The following ZNF875 variants were observed in gnomAD, a reference collection of about 807,000 sequenced individuals.
ZNF875 encodes HKR1, GLI-Kruppel zinc finger family member.
Under a neutral mutation model 11.2 loss-of-function variants are expected in ZNF875, and 14 were observed. The ratio of observed to expected loss-of-function variants is 1.26; its 90% CI spans 0.83 to 1.96. ZNF875 has a LOEUF of 1.96. ZNF875 is among the 30% of genes most tolerant of loss of function. ZNF875 has a pLI of 0.00. For synonymous variants in ZNF875, 301 were observed against 281.1 expected, an observed-to-expected ratio of 1.07 and a Z score of -0.71; for missense variants, 752 against 760.4, an observed-to-expected ratio of 0.99 and a Z score of 0.13.
In ZNF875 at chr19:37,363,314, A is replaced by T. The variant is rs1182362708; in HGVS notation, c.1462A>T (p.Thr488Ser). 2 of 1,610,656 alleles carry T rather than the reference A, an allele frequency of 1.2e-6. No individual in the cohort carries two copies. The highest frequency in any genetic ancestry group is 2.2e-5 in the East Asian group (1 of 44,742). The change falls in exon 5 of 5, where the codon ACC becomes TCC. Residue 488 changes from threonine to serine, a missense_variant. Transcript: ENST00000392153. ...FVCTECGRGF[T>S]RKSTLSTHQR... ...ATGTACGGAGTGTGGGCGAGGCTTT[A>T]CCCGGAAATCAACCCTGAGCACGCA... is the stretch of plus-strand genomic sequence containing the variant.
At chr19:37,318,140 G>C (rs11672033) in exon 1 of ZNF875, 6,002 of 154,066 alleles carry the variant, frequency 0.039, 277 homozygotes, top group African/African-American at 0.11. Context: ...CGCACTGACT[G>C]TGATGTAGTT....
upstream of ZNF875, among the ~76,000 whole-genome samples, chr19:37,329,731 G>GT (rs1241200854): frequency 5.3e-5 from 8 of 152,150 alleles, no homozygotes; most frequent in South Asian, 1.0e-3. Context: ...TTCCTCAGTG[G>GT]TTTTTTCCCC....
At chr19:37,358,193 G>A (rs898401239) in intron 4 of ZNF875, among the ~76,000 whole-genome samples, 3 of 133,834 alleles carry the variant, frequency 2.2e-5, no homozygotes, top group African/African-American at 5.7e-5. Flanking sequence ...CACCCTGGCT[G>A]GAGTGCAGTG....
chr19:37,356,679 G>T (rs928162877), intron 4 of ZNF875, among the ~76,000 whole-genome samples: 1 of 151,950 alleles, frequency 6.6e-6, no homozygotes, highest in African/African-American at 2.4e-5. Context: ...GGTTATTTGG[G>T]TTTTTGTTGT....
intron 2 of ZNF875, chr19:37,337,242 T>C (rs1237151635): frequency 6.6e-6 from 1 of 152,202 alleles, no homozygotes; most frequent in African/African-American, 2.4e-5. Flanking sequence ...CCCCCTCTCA[T>C]TTTTATTACC....
At position 37,362,760 on chromosome 19, in the gene ZNF875, C is replaced by G; in HGVS notation, c.908C>G (p.Thr303Arg). Residue 303 changes from threonine (T) to arginine (R), a missense_variant, in exon 5 of 5, where the codon ACA becomes AGA. Thr to Arg is a moderately conservative substitution (Grantham distance 71, BLOSUM62 -1). Transcript: ENST00000392153. ...TCAAACCTGATCACACATCAGAGGA[C>G]ACACTCAGGGGAGAAACCTTATGTG... ...WKSNLITHQR[T>R]HSGEKPYVCK... 1 of 1,613,802 alleles carries G rather than the reference C, an allele frequency of 6.2e-7. No individual in the cohort carries two copies. The highest frequency in any genetic ancestry group is 8.5e-7 in the Non-Finnish European group (1 of 1,179,844).
chr19:37,328,415 G>A (rs1214473935), intron 4 of ZNF875, among the ~76,000 whole-genome samples: 2 of 152,224 alleles, frequency 1.3e-5, no homozygotes, highest in East Asian at 3.9e-4. Flanking sequence ...TTTAAGAGGT[G>A]ATTAGGTCAT....
chr19:37,335,091 C>G, intron 1 of ZNF875, 78 bp from the exon 2 acceptor site: 1 of 638,182 alleles, frequency 1.6e-6, no homozygotes. Flanking sequence ...AACTGTGGGG[C>G]TCTGGAGCGG....
chr19:37,317,178 G>GTTTTTTTTTT, upstream of ZNF875: 1 of 95,194 alleles, frequency 1.1e-5, no homozygotes, highest in Non-Finnish European at 2.1e-5. Flanking sequence ...TTACTAACCT[G>GTTTTTTTTTT]GTTTTTTTTT....
Position 37,362,627 on chromosome 19 carries a change from T to C in ZNF875, c.775T>C (p.Trp259Arg), listed in dbSNP as rs1349040797. Residue 259 changes from tryptophan (W) to arginine (R), a missense_variant, in exon 5 of 5, where the codon TGG becomes CGG. Coordinates refer to ENST00000392153, the MANE Select transcript of ZNF875 (RefSeq NM_001353803.2). ...GGAGACACCTTACATGTACACTGAGTGGGGAGACAGCTTTGGCAGTATGTC... is the reference window on the plus strand; with the variant it reads ...GGAGACACCTTACATGTACACTGAGCGGGGAGACAGCTTTGGCAGTATGTC... ...TGETPYMYTE[W>R]GDSFGSMSVL... 6.2e-7 allele frequency: 1 copy of C among 1,613,332 alleles called. No individual in the cohort carries two copies. Among genetic ancestry groups the C allele is most frequent in the South Asian group, 1.1e-5 (1 of 91,020 alleles).
In ZNF875 at chr19:37,341,245, C is replaced by G. The variant is rs75595829; in HGVS notation, c.34-5945C>G. 6.3e-3 allele frequency among the ~76,000 whole-genome samples: 960 copies of G among 152,334 alleles called. 6 individuals carry two copies. Among genetic ancestry groups the G allele is most frequent in the South Asian group, 0.024 (116 of 4,826 alleles). ...CTGTATAATGAACAATCCTAAACAT[C>G]AATGGCTTAAAACAAAATCACTTAT... On this transcript the variant is annotated intron_variant, in intron 2 of 4. Transcript: ENST00000392153.
At chr19:37,335,691 G>A (rs2034221787) in intron 2 of ZNF875, among the ~76,000 whole-genome samples, 2 of 152,152 alleles carry the variant, frequency 1.3e-5, no homozygotes, top group African/African-American at 2.4e-5. Flanking sequence ...AACAATAGGC[G>A]CTAGATTTCC....
At chr19:37,319,369 A>ATAT (rs56256521) in intron 1 of ZNF875, among the ~76,000 whole-genome samples, 8 of 139,892 alleles carry the variant, frequency 5.7e-5, no homozygotes, top group Non-Finnish European at 7.6e-5. Context: ...ATATATATAT[A>ATAT]ATAAAAATGG....
chr19:37,326,664 C>CTTTTTT (rs35805509), intron 4 of ZNF875, among the ~76,000 whole-genome samples: 38 of 88,096 alleles, frequency 4.3e-4, no homozygotes, highest in Non-Finnish European at 5.8e-4. Flanking sequence ...AATTAGAAAG[C>CTTTTTT]TTTTTTTTTT....
intron 1 of ZNF875, among the ~76,000 whole-genome samples, chr19:37,321,128 G>T (rs2031339605): frequency 6.6e-6 from 1 of 152,102 alleles, no homozygotes; most frequent in Non-Finnish European, 1.5e-5. Context: ...ATTGTCCAAG[G>T]TTTCTCCCCT....
chr19:37,339,830 G>A (rs550548773), intron 2 of ZNF875, among the ~76,000 whole-genome samples: 1 of 151,372 alleles, frequency 6.6e-6, no homozygotes, highest in East Asian at 2.0e-4. Flanking sequence ...CTCCCAAAGT[G>A]CTGGAATTAC....
chr19:37,353,716 T>C (rs2038362898), intron 4 of ZNF875, among the ~76,000 whole-genome samples: 1 of 152,356 alleles, frequency 6.6e-6, no homozygotes, highest in Non-Finnish European at 1.5e-5. Flanking sequence ...TTGCAGTGTC[T>C]TCTGGCTTTC....
chr19:37,352,962 C>T (rs2038197355), intron 4 of ZNF875, among the ~76,000 whole-genome samples: 1 of 143,532 alleles, frequency 7.0e-6, no homozygotes, highest in Admixed American at 7.4e-5. Context: ...CATCCTCTGC[C>T]TCCTGGGTTC....
chr19:37,316,438 C>T (rs1354897576), upstream of ZNF875, among the ~76,000 whole-genome samples: 1 of 152,148 alleles, frequency 6.6e-6, no homozygotes. Context: ...ATCGCGATCT[C>T]GGCTCACTGC....
Sources: gnomAD v4.1 joint callset for allele counts (sites outside exome capture counted in the v4.1 genomes callset) on GRCh38, gnomAD v4.1.1 for gene constraint, MANE v1.5 for transcripts, NCBI Gene and HGNC (gene_info 2026-07-23, HGNC 2026-07-21) for gene names.